SUGCT: variants seen among roughly 807,000 people sequenced by gnomAD.
SUGCT encodes succinyl-CoA:glutarate-CoA transferase.
In SUGCT, 41 loss-of-function variants were observed where a neutral mutation model predicts 55.0. The observed-to-expected ratio is 0.74, with a 90% confidence interval of 0.58 to 0.97. The LOEUF (loss-of-function observed/expected upper bound fraction) is 0.97, where lower values mean the gene tolerates loss of function less well. SUGCT is among the 50% of genes least tolerant of loss of function. The pLI is 0.00. For synonymous variants in SUGCT, 187 were observed against 200.4 expected (o/e 0.93, Z 0.56); for missense variants, 568 against 547.8 (o/e 1.04, Z -0.37).
intron 12 of SUGCT, among the ~76,000 whole-genome samples, chr7:40,656,236 C>CT (rs11362084): frequency 5.6e-4 from 81 of 145,192 alleles, no homozygotes; most frequent in East Asian, 2.2e-3. Flanking sequence ...ATCATAGCAT[C>CT]TTTTTTTTTT....
intron 6 of SUGCT, among the ~76,000 whole-genome samples, chr7:40,236,785 G>A (rs75141223): frequency 6.6e-6 from 1 of 151,950 alleles, no homozygotes; most frequent in African/African-American, 2.4e-5. Flanking sequence ...GGCAATACTC[G>A]ACTCTAATTG....
In SUGCT at chr7:40,177,321, G is replaced by A. The variant is rs185589167; in HGVS notation, c.101-3626G>A. On this transcript the variant is annotated intron_variant, in intron 1 of 13. Transcript: ENST00000335693. ...AAGGCACTAGCTGTTTCTATACCTT[G>A]CTTCTGCTCCCTGCACATCACTTTC... 6.5e-3 allele frequency among the ~76,000 whole-genome samples: 993 copies of A among 151,762 alleles called. 37 individuals are homozygous for A. Among genetic ancestry groups the A allele is most frequent in the Admixed American group, 0.06 (915 of 15,224 alleles).
At chr7:40,302,165 T>G (rs981849026) in intron 8 of SUGCT, among the ~76,000 whole-genome samples, 1 of 152,178 alleles carries the variant, frequency 6.6e-6, no homozygotes, top group Non-Finnish European at 1.5e-5. Context: ...GACTGTACAC[T>G]CCCATCCTGC....
chr7:41,011,168 TC>T, the SUGCT span, among the ~76,000 whole-genome samples: 2 of 152,132 alleles, frequency 1.3e-5, no homozygotes, highest in African/African-American at 4.8e-5. Context: ...AGCAGCTGTT[TC>T]AGTGGAATTC....
At chr7:41,032,442 G>A in the SUGCT span, among the ~76,000 whole-genome samples, 2 of 151,886 alleles carry the variant, frequency 1.3e-5, no homozygotes, top group Non-Finnish European at 2.9e-5. Context: ...TTCCTGATAC[G>A]AAGGTATCCT....
rs151295973 is a variant in SUGCT, at chr7:40,783,287, C to T, written c.1153+33790C>T. On this transcript the variant is annotated intron_variant, in intron 13 of 13. Coordinates refer to ENST00000335693, the MANE Select transcript of SUGCT (RefSeq NM_001193313.2). Reference sequence around the variant, plus strand: ...GTCCTGGAGCTAAGAGGGTGGCCACCTCTTTTTCAGGGAATCCCATACAGA... The same window carrying T: ...GTCCTGGAGCTAAGAGGGTGGCCACTTCTTTTTCAGGGAATCCCATACAGA... Among the ~76,000 whole-genome samples, 3 of 152,066 alleles carry T rather than the reference C, an allele frequency of 2.0e-5. No individual in the cohort carries two copies. The East Asian group carries it at 5.8e-4, about 29-fold the overall frequency.
At chr7:40,572,980 G>T (rs1485625896) in intron 12 of SUGCT, among the ~76,000 whole-genome samples, 3 of 152,124 alleles carry the variant, frequency 2.0e-5, no homozygotes, top group Non-Finnish European at 4.4e-5. Flanking sequence ...GAAACCCCGG[G>T]ACTGAAGACA....
At chr7:40,260,384 T>C (rs756886558) in intron 7 of SUGCT, among the ~76,000 whole-genome samples, 2 of 152,228 alleles carry the variant, frequency 1.3e-5, no homozygotes, top group Non-Finnish European at 2.9e-5. Flanking sequence ...TATATGAATT[T>C]GGAATCTTTA....
At chr7:40,615,780 A>G (rs958813227) in intron 12 of SUGCT, among the ~76,000 whole-genome samples, 4 of 152,198 alleles carry the variant, frequency 2.6e-5, no homozygotes, top group Admixed American at 2.6e-4. Context: ...AAGCCCAAGT[A>G]TAAGCTTTAA....
At chr7:41,010,191 T>G in the SUGCT span, among the ~76,000 whole-genome samples, 1 of 152,226 alleles carries the variant, frequency 6.6e-6, no homozygotes, top group African/African-American at 2.4e-5. Flanking sequence ...GAATGTAAAC[T>G]GTGATATTAA....
At chr7:40,465,511 G>A (rs934946696) in intron 11 of SUGCT, among the ~76,000 whole-genome samples, 9 of 152,056 alleles carry the variant, frequency 5.9e-5, no homozygotes, top group African/African-American at 1.9e-4. Flanking sequence ...TCGAGAAGCC[G>A]AGGAAGGAGA....
chr7:40,239,218 C>CTACA (rs1479783403), intron 7 of SUGCT, among the ~76,000 whole-genome samples: 1 of 152,128 alleles, frequency 6.6e-6, no homozygotes, highest in African/African-American at 2.4e-5. Flanking sequence ...ATAGCTTGGA[C>CTACA]TACAGGTGTG....
intron 11 of SUGCT, among the ~76,000 whole-genome samples, chr7:40,469,347 A>T (rs1339695326): frequency 6.6e-6 from 1 of 152,154 alleles, no homozygotes; most frequent in Non-Finnish European, 1.5e-5. Flanking sequence ...AATGGATCTG[A>T]TGTTTGGTGA....
At chr7:40,553,677 G>A (rs928026920) in intron 12 of SUGCT, among the ~76,000 whole-genome samples, 2 of 152,116 alleles carry the variant, frequency 1.3e-5, no homozygotes, top group Non-Finnish European at 2.9e-5. Flanking sequence ...CATCTACCTC[G>A]TTTACTAAGC....
At position 40,412,294 on chromosome 7, in the gene SUGCT, A is replaced by G. The variant is rs150558319; in HGVS notation, c.817-36993A>G. ...CTTTTCTCATAACTCTCACTCACAA[A>G]TAGACTGCTTGTTTCTTATTGGTGC... is the stretch of plus-strand genomic sequence containing the variant. On this transcript the variant is annotated intron_variant, in intron 9 of 13. Transcript: ENST00000335693. 3.0e-3 allele frequency among the ~76,000 whole-genome samples: 451 copies of G among 152,304 alleles called. 2 individuals are homozygous for G. The highest frequency in any genetic ancestry group is 4.9e-3 in the Non-Finnish European group (336 of 68,020).
the SUGCT span, among the ~76,000 whole-genome samples, chr7:40,884,712 A>G: frequency 6.6e-6 from 1 of 152,228 alleles, no homozygotes; most frequent in South Asian, 2.1e-4. Flanking sequence ...CAAGGGAGTG[A>G]TAGCCCCAAA....
chr7:40,612,589 C>T (rs1224370823), intron 12 of SUGCT, among the ~76,000 whole-genome samples: 1 of 152,250 alleles, frequency 6.6e-6, no homozygotes, highest in African/African-American at 2.4e-5. Flanking sequence ...AATAGCATCA[C>T]CCTCCTTCCT....
At chr7:40,943,365 G>A in the SUGCT span, among the ~76,000 whole-genome samples, 1 of 149,764 alleles carries the variant, frequency 6.7e-6, no homozygotes, top group Admixed American at 6.7e-5. Flanking sequence ...GTGCCATGCT[G>A]GTGTGCCGCA....
the SUGCT span, among the ~76,000 whole-genome samples, chr7:40,927,488 A>C: frequency 6.6e-6 from 1 of 152,152 alleles, no homozygotes; most frequent in East Asian, 1.9e-4. Flanking sequence ...AACCAACCAG[A>C]ACCAGGCTTG....
Sources: gnomAD v4.1 joint callset for allele counts (sites outside exome capture counted in the v4.1 genomes callset) on GRCh38, gnomAD v4.1.1 for gene constraint, MANE v1.5 for transcripts, NCBI Gene and HGNC (gene_info 2026-07-23, HGNC 2026-07-21) for gene names.